The following YBX2 variants were observed in gnomAD, a reference collection of about 807,000 sequenced individuals.
YBX2 encodes the protein Y-box binding protein 2.
YBX2 carries 5 observed loss-of-function variants against 44.4 expected under a neutral mutation model. The ratio of observed to expected loss-of-function variants is 0.11; its 90% confidence interval spans 0.06 to 0.24. The LOEUF (loss-of-function observed/expected upper bound fraction) is 0.24, where lower values mean the gene tolerates loss of function less well. YBX2 is among the 10% of genes least tolerant of loss of function. The pLI is 1.00. For synonymous variants in YBX2, 188 were observed against 216.1 expected, an observed-to-expected ratio of 0.87 and a Z score of 1.14; for missense variants, 417 against 526.9, an observed-to-expected ratio of 0.79 and a Z score of 2.04.
intron 2 of YBX2, chr17:7,292,773 G>A (rs2072510892): frequency 6.5e-6 from 1 of 154,562 alleles, no homozygotes. Flanking sequence ...ATTAGACAGG[G>A]ACCCTTCCCC....
At position 7,290,388 on chromosome 17, in the gene YBX2, C is replaced by T. The variant is rs749789666; in HGVS notation, c.607G>A (p.Gly203Arg). 6.2e-7 allele frequency: 1 copy of T among 1,614,050 alleles called. No individual in the cohort carries two copies. The highest frequency in any genetic ancestry group is 8.5e-7 in the Non-Finnish European group (1 of 1,180,018). Residue 203 changes from glycine (G) to arginine (R), a missense_variant, in exon 5 of 9, where the codon GGG becomes AGG. Physicochemically the swap from Gly to Arg is moderately radical, Grantham distance 125 (BLOSUM62 -2). This residue lies in a region of YBX2 where 257 missense variants were observed against 261.7 expected (regional missense o/e 0.98). Coordinates refer to ENST00000007699, the MANE Select transcript of YBX2 (RefSeq NM_015982.4). ...TCCCCTTTACTGCCAGGTCCTGTCC[C>T]CGCCGAGGGGATCTCTGCCACCATG... ...PPMVAEIPSA[G>R]TGPGSKGERA...
chr17:7,291,672 C>T lies in YBX2; in HGVS notation c.369+354G>A, dbSNP rs558392786. On this transcript the variant is annotated intron_variant, in intron 3 of 8. Coordinates refer to ENST00000007699, the MANE Select transcript of YBX2 (RefSeq NM_015982.4). The surrounding 1 kb of genome is among the most constrained non-coding windows in gnomAD (Gnocchi z 5.8). ...TGATTCACCAGGTCTGGGGTGGGAC[C>T]TGAGAATTCGGATGTCAGGTGATGC... 1 of 395,432 alleles carries T rather than the reference C, an allele frequency of 2.5e-6. No homozygotes were observed. Among genetic ancestry groups the T allele is most frequent in the African/African-American group, 2.0e-5 (1 of 48,930 alleles). 24.5% of individuals were successfully genotyped at this position (395,432 alleles called of 1,614,324 possible). A position where few individuals can be genotyped will look rare whatever the true frequency, so the allele number is the denominator to read the frequency against.
chr17:7,288,756 C>T lies in YBX2; in HGVS notation c.*32G>A, dbSNP rs2072473690. On this transcript the variant is annotated 3_prime_UTR_variant, in exon 8 of 9. Transcript: ENST00000007699. ...ACTGCACCAGCCACTCACCAGATGG[C>T]AGCTCTGGGTGTCCTCTGAGTTGAG... 1 of 1,613,422 alleles carries T rather than the reference C, an allele frequency of 6.2e-7. No homozygotes were observed. Among genetic ancestry groups the T allele is most frequent in the African/African-American group, 1.3e-5 (1 of 74,930 alleles).
chr17:7,290,420 G>A lies in YBX2; in HGVS notation c.575C>T (p.Pro192Leu). ...RFIPRPPSVA[P>L]PPMVAEIPSA... is the part of the protein sequence containing the mutation. ...GGGGATCTCTGCCACCATGGGTGGT[G>A]GGGCAACTGAGGGAGGCCGGGGGAT... Residue 192 changes from proline (P) to leucine (L), a missense_variant, in exon 5 of 9, where the codon CCA becomes CTA. Physicochemically the swap from Pro to Leu is moderately conservative, Grantham distance 98. Transcript: ENST00000007699. The A allele has an allele frequency of 6.2e-7, 1 of 1,613,886 alleles. No homozygotes were observed. Among genetic ancestry groups the A allele is most frequent in the Non-Finnish European group, 8.5e-7 (1 of 1,179,954 alleles).
At chr17:7,290,963 G>T in intron 4 of YBX2, 130 bp downstream of exon 4, 1 of 904,914 alleles carries the variant, frequency 1.1e-6, no homozygotes, top group Non-Finnish European at 1.9e-6. Flanking sequence ...GGACATCAGG[G>T]TGAGAGAACA....
Position 7,291,259 on chromosome 17 carries a change from C to G in YBX2, c.370-77G>C, listed in dbSNP as rs910880221. 1 of 1,388,474 alleles carries G rather than the reference C, an allele frequency of 7.2e-7. No homozygotes were observed. The allele number at this position is 1,388,474 out of a possible 1,614,324, so 86.0% of individuals were successfully genotyped here. A position where few individuals can be genotyped will look rare whatever the true frequency, so the allele number is the denominator to read the frequency against. ...TGTCACCCCTGCTGGGGCCACCACC[C>G]AATTTCATTCTTTCAACATTTGACT... On this transcript the variant is annotated intron_variant, in intron 3 of 8. Transcript: ENST00000007699. The surrounding 1 kb of genome is among the most constrained non-coding windows in gnomAD (Gnocchi z 5.8).
At position 7,291,827 on chromosome 17, in the gene YBX2, G is replaced by T; in HGVS notation, c.369+199C>A. On this transcript the variant is annotated intron_variant, in intron 3 of 8. Coordinates refer to ENST00000007699, the MANE Select transcript of YBX2 (RefSeq NM_015982.4). This position sits in a 1 kb window ranked among gnomAD's most constrained non-coding sequence, Gnocchi z 5.8. ...TGGGTAGTAAGCGTGCCATGCCCAGGGGTAACATGCTCAATTCTGACGGAC... is the reference window on the plus strand; with the variant it reads ...TGGGTAGTAAGCGTGCCATGCCCAGTGGTAACATGCTCAATTCTGACGGAC... 1.5e-6 allele frequency: 1 copy of T among 661,532 alleles called. No individual in the cohort carries two copies. The allele number at this position is 661,532 out of a possible 1,614,324, so 41.0% of individuals were successfully genotyped here.
chr17:7,294,616 G>A lies in YBX2; in HGVS notation c.-116C>T, dbSNP rs1319057303. 118 of 1,179,086 alleles carry A rather than the reference G, an allele frequency of 1.0e-4. No individual in the cohort carries two copies. In the South Asian group the frequency reaches 3.7e-3, roughly 37 times the overall value. The allele number at this position is 1,179,086 out of a possible 1,614,324, so 73.0% of individuals were successfully genotyped here. A position where few individuals can be genotyped will look rare whatever the true frequency, so the allele number is the denominator to read the frequency against. Reference sequence around the variant, plus strand: ...CGAGCCTCGCCCACACGCCGGCAGCGGGCCCGGAGCCGAGGCCAATGGCAG... The same window carrying A: ...CGAGCCTCGCCCACACGCCGGCAGCAGGCCCGGAGCCGAGGCCAATGGCAG... On this transcript the variant is annotated 5_prime_UTR_variant, in exon 1 of 9. Transcript: ENST00000007699. The surrounding 1 kb of genome is among the most constrained non-coding windows in gnomAD (Gnocchi z 4.6).
At chr17:7,292,461 T>G (rs1468711646) in intron 2 of YBX2, 1 of 248,600 alleles carries the variant, frequency 4.0e-6, no homozygotes, top group Non-Finnish European at 8.1e-6. Flanking sequence ...AATTCCAGTC[T>G]TCTTCCTTCT....
rs1487262518 is a variant in YBX2, at chr17:7,291,713, AG to A, written c.369+312del. 5 of 445,376 alleles carry A rather than the reference AG, an allele frequency of 1.1e-5. No individual in the cohort carries two copies. The Admixed American group carries it at 1.7e-4, about 15-fold the overall frequency. 27.6% of individuals were successfully genotyped at this position (445,376 alleles called of 1,614,324 possible). ...CAGGTGATGCTGCTGCCGCTGGTGCAGGGGCCACGCTTTGAGAACCACTGCA... is the reference window on the plus strand; with the variant it reads ...CAGGTGATGCTGCTGCCGCTGGTGCAGGGCCACGCTTTGAGAACCACTGCA... On this transcript the variant is annotated intron_variant, in intron 3 of 8. Transcript: ENST00000007699. The surrounding 1 kb of genome is among the most constrained non-coding windows in gnomAD (Gnocchi z 5.8).
chr17:7,294,557 C>A lies in YBX2; in HGVS notation c.-57G>T. 7.2e-7 allele frequency: 1 copy of A among 1,391,436 alleles called. No individual in the cohort carries two copies. The highest frequency in any genetic ancestry group is 9.3e-7 in the Non-Finnish European group (1 of 1,070,394). 86.2% of individuals were successfully genotyped at this position (1,391,436 alleles called of 1,614,324 possible). On this transcript the variant is annotated 5_prime_UTR_variant, in exon 1 of 9. Transcript: ENST00000007699. The surrounding 1 kb of genome is among the most constrained non-coding windows in gnomAD (Gnocchi z 4.6). ...ACCGCCCCGGCCCCTCCCCCCGGCT[C>A]GCGAACCCACCGCCCTGCTCGGTCC...
chr17:7,293,102 C>T, intron 2 of YBX2: 1 of 328,534 alleles, frequency 3.0e-6, no homozygotes. Flanking sequence ...GCTGCCATAA[C>T]AGGAAATCAG....
Position 7,291,006 on chromosome 17 carries a change from G to A in YBX2, c.459+87C>T. ...ATTCCCGCAGAACGGGTCAGAGCTG[G>A]CCCCAGGAGGGTCTTAGCCTGTGAT... On this transcript the variant is annotated intron_variant, in intron 4 of 8. Transcript: ENST00000007699. This position sits in a 1 kb window ranked among gnomAD's most constrained non-coding sequence, Gnocchi z 5.8. 7.5e-7 allele frequency: 1 copy of A among 1,326,900 alleles called. No individual in the cohort carries two copies. The highest frequency in any genetic ancestry group is 1.1e-6 in the Non-Finnish European group (1 of 920,132). The allele number at this position is 1,326,900 out of a possible 1,614,324, so 82.2% of individuals were successfully genotyped here.
chr17:7,292,135 C>A (rs2072505813), intron 2 of YBX2, 76 bp from the exon 3 acceptor site: 2 of 1,560,190 alleles, frequency 1.3e-6, no homozygotes, highest in Non-Finnish European at 1.8e-6. Flanking sequence ...CCCCTAGATG[C>A]CCAGTCTAAG....
rs2072497903 is a variant in YBX2, at chr17:7,291,013, G to A, written c.459+80C>T. Reference sequence around the variant, plus strand: ...CAGAACGGGTCAGAGCTGGCCCCAGGAGGGTCTTAGCCTGTGATGACCTCC... The same window carrying A: ...CAGAACGGGTCAGAGCTGGCCCCAGAAGGGTCTTAGCCTGTGATGACCTCC... On this transcript the variant is annotated intron_variant, in intron 4 of 8. Coordinates refer to ENST00000007699, the MANE Select transcript of YBX2 (RefSeq NM_015982.4). The surrounding 1 kb of genome is among the most constrained non-coding windows in gnomAD (Gnocchi z 5.8). The A allele has an allele frequency of 7.0e-7, 1 of 1,419,642 alleles. No individual in the cohort carries two copies. The highest frequency in any genetic ancestry group is 1.0e-6 in the Non-Finnish European group (1 of 1,004,760). The allele number at this position is 1,419,642 out of a possible 1,614,324, so 87.9% of individuals were successfully genotyped here.
intron 6 of YBX2, 117 bp from the exon 7 acceptor site, chr17:7,289,842 C>A: frequency 6.3e-7 from 1 of 1,584,184 alleles, no homozygotes; most frequent in Non-Finnish European, 8.6e-7. Context: ...ACTGCCTCCC[C>A]GCAAGGCACC....
chr17:7,294,390 C>T lies in YBX2; in HGVS notation c.111G>A (p.Pro37=). Residue 37 remains proline, a synonymous_variant, in exon 1 of 9, where the codon CCG becomes CCA. Transcript: ENST00000007699. This position sits in a 1 kb window ranked among gnomAD's most constrained non-coding sequence, Gnocchi z 4.6. ...AVVVPVPAGE[P]QKGGGAGGGG... ...CGCCGCCCGCCCCGCCGCCTTTCTG[C>T]GGCTCCCCTGCGGGCACCGGTACCA... 7.0e-7 allele frequency: 1 copy of T among 1,429,236 alleles called. No individual in the cohort carries two copies. Among genetic ancestry groups the T allele is most frequent in the Non-Finnish European group, 9.2e-7 (1 of 1,091,622 alleles). The allele number at this position is 1,429,236 out of a possible 1,614,324, so 88.5% of individuals were successfully genotyped here. A position where few individuals can be genotyped will look rare whatever the true frequency, so the allele number is the denominator to read the frequency against.
Position 7,290,284 on chromosome 17 carries a change from G to A in YBX2, c.711C>T (p.Gly237=), listed in dbSNP as rs745897698. 1.9e-6 allele frequency: 3 copies of A among 1,613,674 alleles called. No homozygotes were observed. The Admixed American group carries it at 5.0e-5, about 27-fold the overall frequency. ...GCTGCTGCTGGTTGGGAGGCCGGGG[G>A]CCTCGCACAAACCGCCGTCGGTAGA... ...PFFYRRRFVR[G]PRPPNQQQPI... The change falls in exon 5 of 9, where the codon GGC becomes GGT. Residue 237 remains glycine, a synonymous_variant. Coordinates refer to ENST00000007699, the MANE Select transcript of YBX2 (RefSeq NM_015982.4).
chr17:7,292,117 C>T (rs2072505607), intron 2 of YBX2, 58 bp from the exon 3 acceptor site: 3 of 1,603,330 alleles, frequency 1.9e-6, no homozygotes, highest in South Asian at 1.1e-5. Flanking sequence ...CAGCTCCTCA[C>T]TGAGGTCCCC....
Sources: gnomAD v4.1 joint callset for allele counts on GRCh38, gnomAD v4.1.1 for gene constraint, gnomAD v4.1.1 regional missense constraint, Gnocchi (gnomAD v3.1) non-coding constraint, MANE v1.5 for transcripts, NCBI Gene and HGNC (gene_info 2026-07-23, HGNC 2026-07-21) for gene names.